PTBP3: variants seen among roughly 807,000 people sequenced by gnomAD.
PTBP3 encodes the protein polypyrimidine tract binding protein 3, also known as polypyrimidine tract-binding protein 3.
A neutral mutation model predicts 58.7 loss-of-function variants in PTBP3; 20 were observed. That is an observed-to-expected ratio of 0.34 (90% CI 0.24 to 0.50). The LOEUF is 0.50. Among genes scored for constraint, PTBP3 ranks in the 20% least tolerant of loss-of-function variants. The pLI is 0.98. For missense variants in PTBP3, 509 were observed against 637.2 expected, an observed-to-expected ratio of 0.80 and a Z score of 2.17; for synonymous variants, 185 against 219.8, an observed-to-expected ratio of 0.84 and a Z score of 1.40.
chr9:112,260,065 AC>A (rs952812766), intron 5 of PTBP3, among the ~76,000 whole-genome samples: 1 of 152,000 alleles, frequency 6.6e-6, no homozygotes, highest in African/African-American at 2.4e-5. Context: ...ATGCCAGCAC[AC>A]CCGGCTAATT....
At chr9:112,257,740 G>T (rs1298297134) in intron 5 of PTBP3, among the ~76,000 whole-genome samples, 2 of 152,170 alleles carry the variant, frequency 1.3e-5, no homozygotes, top group Admixed American at 1.3e-4. Flanking sequence ...AGGAGTTCGA[G>T]ACCAGCCTGG....
At chr9:112,306,469 A>AC (rs1829217043) in intron 1 of PTBP3, among the ~76,000 whole-genome samples, 1 of 151,546 alleles carries the variant, frequency 6.6e-6, no homozygotes, top group South Asian at 2.1e-4. Context: ...CAAAAAAAAA[A>AC]AACACTATTC....
intron 2 of PTBP3, among the ~76,000 whole-genome samples, chr9:112,277,131 A>T (rs774590930): frequency 1.3e-5 from 2 of 152,146 alleles, no homozygotes; most frequent in Non-Finnish European, 2.9e-5. Flanking sequence ...CACAGAACTC[A>T]ACTTGTTTAC....
intron 1 of PTBP3, among the ~76,000 whole-genome samples, chr9:112,311,350 A>G (rs1004518989): frequency 2.6e-5 from 4 of 152,232 alleles, no homozygotes; most frequent in Admixed American, 6.5e-5. Flanking sequence ...GCAATACAGC[A>G]TAACAACTAT....
At chr9:112,334,044 A>G (rs756096565), upstream of PTBP3, among the ~76,000 whole-genome samples, 1 of 151,778 alleles carries the variant, frequency 6.6e-6, no homozygotes, top group Non-Finnish European at 1.5e-5. Context: ...CTGACTCCCA[A>G]GAGTAGGAAG....
chr9:112,379,263 A>G, the PTBP3 span, among the ~76,000 whole-genome samples: 1 of 152,326 alleles, frequency 6.6e-6, no homozygotes. Flanking sequence ...TCTTCATATA[A>G]TAATCTCCTC....
chr9:112,373,174 G>A, the PTBP3 span, among the ~76,000 whole-genome samples: 1 of 152,104 alleles, frequency 6.6e-6, no homozygotes, highest in Non-Finnish European at 1.5e-5. Flanking sequence ...GGGATTACAG[G>A]CATGAGCCAC....
chr9:112,360,277 G>C, the PTBP3 span, among the ~76,000 whole-genome samples: 1 of 152,026 alleles, frequency 6.6e-6, no homozygotes, highest in Non-Finnish European at 1.5e-5. Flanking sequence ...TAAAACTCCT[G>C]GGCTCAAGCA....
intron 10 of PTBP3, among the ~76,000 whole-genome samples, chr9:112,230,633 T>G (rs1299430167): frequency 2.0e-5 from 3 of 152,210 alleles, no homozygotes; most frequent in Admixed American, 6.5e-5. Context: ...AATCAAGTAG[T>G]GAAATAATCT....
chr9:112,374,606 CT>C, the PTBP3 span, among the ~76,000 whole-genome samples: 1 of 152,196 alleles, frequency 6.6e-6, no homozygotes, highest in Non-Finnish European at 1.5e-5. Flanking sequence ...AATCCAGCTG[CT>C]TCAAGATGAT....
chr9:112,352,849 T>C, the PTBP3 span, among the ~76,000 whole-genome samples: 3 of 152,290 alleles, frequency 2.0e-5, no homozygotes, highest in East Asian at 5.8e-4. Context: ...TTTGTGTATT[T>C]TCCTAGACTG....
At chr9:112,246,006 G>A (rs1215510572) in intron 7 of PTBP3, among the ~76,000 whole-genome samples, 4 of 150,790 alleles carry the variant, frequency 2.7e-5, no homozygotes, top group Non-Finnish European at 5.9e-5. Context: ...TTTTTGAGAT[G>A]GAGTCTTGCT....
chr9:112,324,661 TAA>T (rs367609731), intron 1 of PTBP3, among the ~76,000 whole-genome samples: 108 of 129,430 alleles, frequency 8.3e-4, no homozygotes, highest in Admixed American at 1.4e-3. Context: ...TTTTTTTTTT[TAA>T]AAAAAAACAA....
intron 1 of PTBP3, among the ~76,000 whole-genome samples, chr9:112,329,712 A>G (rs1830291365): frequency 6.6e-6 from 1 of 152,224 alleles, no homozygotes; most frequent in African/African-American, 2.4e-5. Flanking sequence ...GATTGGTAAA[A>G]ATACATGTAA....
At chr9:112,372,666 G>T in the PTBP3 span, among the ~76,000 whole-genome samples, 3 of 152,074 alleles carry the variant, frequency 2.0e-5, no homozygotes, top group African/African-American at 7.2e-5. Context: ...CATAAAATAG[G>T]TGACCTTTTG....
chr9:112,228,291 C>T, intron 11 of PTBP3, 89 bp downstream of exon 11: 1 of 854,874 alleles, frequency 1.2e-6, no homozygotes. Context: ...TTTGTAAAAT[C>T]ATATTCCTAC....
intron 5 of PTBP3, among the ~76,000 whole-genome samples, chr9:112,258,678 C>G (rs1371592665): frequency 6.6e-6 from 1 of 152,142 alleles, no homozygotes; most frequent in Non-Finnish European, 1.5e-5. Context: ...CTCTTCAGAA[C>G]CACATCTAAT....
At chr9:112,330,424 T>A (rs770582450) in intron 1 of PTBP3, 2 of 1,480,660 alleles carry the variant, frequency 1.4e-6, no homozygotes, top group Non-Finnish European at 9.3e-7. Flanking sequence ...TATGAAAGGA[T>A]AGTAAAAGAT....
Position 112,223,602 on chromosome 9 carries a change from TCC to T in PTBP3, c.*247_*248del. 8.4e-7 allele frequency: 1 copy of T among 1,183,864 alleles called. No individual in the cohort carries two copies. Among genetic ancestry groups the T allele is most frequent in the Middle Eastern group, 3.4e-4 (1 of 2,916 alleles). The allele number at this position is 1,183,864 out of a possible 1,614,324, so 73.3% of individuals were successfully genotyped here. On this transcript the variant is annotated 3_prime_UTR_variant, in exon 14 of 14. Transcript: ENST00000374257. ...TAAGATTATTGAAAAAAAATTTTTT[TCC>T]TGATTTTCTTTTTCCTGAAGGTTAT... is the stretch of plus-strand genomic sequence containing the variant.
Sources: allele counts gnomAD v4.1 joint callset (sites outside exome capture counted in the v4.1 genomes callset), GRCh38; gene constraint gnomAD v4.1.1; transcripts MANE v1.5; gene names NCBI Gene and HGNC (gene_info 2026-07-23, HGNC 2026-07-21).